The following STK39 variants were observed in gnomAD, a reference collection of about 807,000 sequenced individuals.
The protein encoded by STK39 is serine/threonine kinase 39.
Under a neutral mutation model 77.8 loss-of-function variants are expected in STK39, and 20 were observed. The observed-to-expected ratio is 0.26, with a 90% CI of 0.18 to 0.37. The LOEUF (loss-of-function observed/expected upper bound fraction) is 0.37. Ranked by LOEUF, STK39 falls within the 10% of genes least tolerant of loss-of-function variation. STK39 has a pLI of 1.00. For synonymous variants in STK39, 246 were observed against 234.1 expected (o/e 1.05, Z -0.47); for missense variants, 479 against 656.5 (o/e 0.73, Z 2.95).
At chr2:167,962,354 A>G (rs1056176829) in intron 17 of STK39, among the ~76,000 whole-genome samples, 2 of 152,212 alleles carry the variant, frequency 1.3e-5, no homozygotes, top group African/African-American at 4.8e-5. Flanking sequence ...GATCAGGCCA[A>G]AAACCAGTTC....
chr2:168,015,466 G>T (rs762195632), intron 15 of STK39, among the ~76,000 whole-genome samples: 2 of 152,136 alleles, frequency 1.3e-5, no homozygotes, highest in African/African-American at 4.8e-5. Flanking sequence ...AGTGAAGGCC[G>T]GCTGTCATTA....
At chr2:168,094,070 T>C (rs905565683) in intron 10 of STK39, among the ~76,000 whole-genome samples, 1 of 152,164 alleles carries the variant, frequency 6.6e-6, no homozygotes, top group Non-Finnish European at 1.5e-5. Flanking sequence ...ACCAAGTCCT[T>C]CACAGGGTCC....
At chr2:167,956,704 T>A (rs377630490) in intron 17 of STK39, among the ~76,000 whole-genome samples, 8,713 of 30,164 alleles carry the variant, frequency 0.29, 1,111 homozygotes, top group African/African-American at 0.51. Context: ...ACACTCTCTC[T>A]CTCTCTCTCT....
Position 168,197,305 on chromosome 2 carries a change from C to T in STK39, c.209-15215G>A, listed in dbSNP as rs184460390. 1.9e-3 allele frequency among the ~76,000 whole-genome samples: 292 copies of T among 152,308 alleles called. 1 individual carries two copies. The highest frequency in any genetic ancestry group is 3.3e-3 in the Non-Finnish European group (222 of 68,040). On this transcript the variant is annotated intron_variant, in intron 1 of 17. Coordinates refer to ENST00000355999, the MANE Select transcript of STK39 (RefSeq NM_013233.3). ...GTACTGAAACTAAATATGTAATCGC[C>T]TCTACTATAATCATCACTCCATTTT...
At position 168,222,925 on chromosome 2, in the gene STK39, G is replaced by A. The variant is rs139936892; in HGVS notation, c.208+24303C>T. On this transcript the variant is annotated intron_variant, in intron 1 of 17. Coordinates refer to ENST00000355999, the MANE Select transcript of STK39 (RefSeq NM_013233.3). ...TAAATATGAAATGCATTTAGCCCAG[G>A]AGCTGACAAGTAATAACAACTCCTC... Among the ~76,000 whole-genome samples, 372 of 152,308 alleles carry A rather than the reference G, an allele frequency of 2.4e-3. 4 individuals carry two copies. The highest frequency in any genetic ancestry group is 8.6e-3 in the African/African-American group (358 of 41,560).
chr2:168,120,080 A>C (rs1687365948), intron 10 of STK39, among the ~76,000 whole-genome samples: 1 of 152,156 alleles, frequency 6.6e-6, no homozygotes. Flanking sequence ...GGATAGCTTA[A>C]CTCACTTTTA....
chr2:168,220,057 T>C (rs942395457), intron 1 of STK39, among the ~76,000 whole-genome samples: 24 of 152,110 alleles, frequency 1.6e-4, no homozygotes, highest in Non-Finnish European at 3.2e-4. Flanking sequence ...TAATCAAAGT[T>C]GTTCTTTAAC....
intron 8 of STK39, among the ~76,000 whole-genome samples, chr2:168,132,576 C>T (rs1204196836): frequency 6.6e-6 from 1 of 152,184 alleles, no homozygotes; most frequent in African/African-American, 2.4e-5. Context: ...ACAAAGCACA[C>T]ACTGCTTTTC....
At chr2:168,141,052 T>C (rs184889982) in intron 5 of STK39, among the ~76,000 whole-genome samples, 2 of 152,308 alleles carry the variant, frequency 1.3e-5, no homozygotes, top group East Asian at 1.9e-4. Context: ...AGATAAGATA[T>C]ATAAAGCCAA....
intron 14 of STK39, among the ~76,000 whole-genome samples, chr2:168,034,252 A>G (rs1438129544): frequency 6.6e-6 from 1 of 152,216 alleles, no homozygotes; most frequent in African/African-American, 2.4e-5. Flanking sequence ...TGAAACAAAG[A>G]GACTGGGATT....
intron 1 of STK39, among the ~76,000 whole-genome samples, chr2:168,185,149 CAT>C (rs1689176569): frequency 6.6e-6 from 1 of 152,184 alleles, no homozygotes. Flanking sequence ...ACACATGACT[CAT>C]TAACATTAGT....
intron 10 of STK39, among the ~76,000 whole-genome samples, chr2:168,122,636 C>G (rs1036564661): frequency 1.3e-5 from 2 of 151,976 alleles, no homozygotes; most frequent in East Asian, 3.9e-4. Context: ...AGAATCTTGC[C>G]ATGTTGCACA....
At chr2:168,173,445 A>G (rs1688877763) in intron 2 of STK39, among the ~76,000 whole-genome samples, 1 of 152,212 alleles carries the variant, frequency 6.6e-6, no homozygotes, top group African/African-American at 2.4e-5. Flanking sequence ...TCAAACGTCA[A>G]CCAAGGCATG....
intron 14 of STK39, among the ~76,000 whole-genome samples, chr2:168,032,283 G>A (rs1382249357): frequency 6.6e-6 from 1 of 152,162 alleles, no homozygotes; most frequent in East Asian, 1.9e-4. Flanking sequence ...TGATTTTTGT[G>A]TATGAGTCAT....
At chr2:168,126,713 G>T (rs1271006258) in intron 10 of STK39, among the ~76,000 whole-genome samples, 1 of 152,176 alleles carries the variant, frequency 6.6e-6, no homozygotes, top group Admixed American at 6.5e-5. Context: ...TACTATGAAT[G>T]AGAAATGAGC....
chr2:168,155,040 G>A (rs1186066699), intron 5 of STK39, among the ~76,000 whole-genome samples: 1 of 152,114 alleles, frequency 6.6e-6, no homozygotes, highest in Non-Finnish European at 1.5e-5. Flanking sequence ...CTTACAGGAA[G>A]GAAAAAAGAG....
At chr2:168,236,589 A>C (rs1412233416) in intron 1 of STK39, among the ~76,000 whole-genome samples, 1 of 152,208 alleles carries the variant, frequency 6.6e-6, no homozygotes, top group Non-Finnish European at 1.5e-5. Context: ...TTTTAGGTCT[A>C]ACATGTAAGT....
intron 5 of STK39, among the ~76,000 whole-genome samples, chr2:168,144,843 C>T (rs1345286776): frequency 1.3e-5 from 2 of 151,710 alleles, no homozygotes; most frequent in African/African-American, 2.4e-5. Context: ...TAGGTGGGTG[C>T]GGTGGCATGC....
At chr2:168,167,036 G>C (rs192315287) in intron 3 of STK39, among the ~76,000 whole-genome samples, 1 of 152,098 alleles carries the variant, frequency 6.6e-6, no homozygotes. Flanking sequence ...AATACATTCC[G>C]GGGGCTGCCT....
Sources: allele counts gnomAD v4.1 joint callset (sites outside exome capture counted in the v4.1 genomes callset), GRCh38; gene constraint gnomAD v4.1.1; transcripts MANE v1.5; gene names NCBI Gene and HGNC (gene_info 2026-07-23, HGNC 2026-07-21).